Variants in PACRG observed in about 807,000 individuals in gnomAD.
PACRG encodes the protein parkin coregulated gene protein.
In PACRG, 29 loss-of-function variants were observed where a neutral mutation model predicts 29.7. The ratio of observed to expected loss-of-function variants is 0.98; its 90% CI spans 0.73 to 1.33. The LOEUF is 1.33. Ranked by LOEUF, PACRG falls within the 40% of genes most tolerant of loss-of-function variation. PACRG has a pLI of 0.00. For missense variants in PACRG, 279 were observed against 316.2 expected (o/e 0.88, Z 0.89); for synonymous variants, 116 against 118.7 (o/e 0.98, Z 0.15).
chr6:162,810,073 C>A (rs1429164739), intron 1 of PACRG, among the ~76,000 whole-genome samples: 1 of 152,068 alleles, frequency 6.6e-6, no homozygotes, highest in African/African-American at 2.4e-5. Flanking sequence ...TCAGTGTGGA[C>A]AATGGGGGAG....
chr6:163,161,462 T>A (rs1778553102), intron 4 of PACRG, among the ~76,000 whole-genome samples: 1 of 152,240 alleles, frequency 6.6e-6, no homozygotes, highest in Admixed American at 6.5e-5. Flanking sequence ...AAAGACTGGA[T>A]GCATTCCTTT....
At chr6:163,069,916 A>G (rs1327450984) in intron 3 of PACRG, among the ~76,000 whole-genome samples, 1 of 152,224 alleles carries the variant, frequency 6.6e-6, no homozygotes. Flanking sequence ...AAAAGCAGCA[A>G]GAGAAAATAA....
chr6:162,824,016 A>T (rs1788067245), intron 2 of PACRG, among the ~76,000 whole-genome samples: 2 of 152,140 alleles, frequency 1.3e-5, no homozygotes, highest in Admixed American at 6.5e-5. Flanking sequence ...GAGTACACAA[A>T]CACCTATAAT....
rs904749912 is a variant in PACRG at position 163,085,878 on chromosome 6, A to T, written c.464-3381A>T. Among the ~76,000 whole-genome samples the T allele has an allele frequency of 5.3e-5, 8 of 152,316 alleles. No individual in the cohort carries two copies. The South Asian group carries it at 1.4e-3, about 28-fold the overall frequency. ...ACAAACCCCAAGAGGTTGGTACCAT[A>T]CTTGCCTGATTCATTTCTGTCCTTC... is the stretch of plus-strand genomic sequence containing the variant. On this transcript the variant is annotated intron_variant, in intron 3 of 4. Transcript: ENST00000366888.
At chr6:162,866,767 A>G (rs1425747493) in intron 2 of PACRG, among the ~76,000 whole-genome samples, 3 of 152,244 alleles carry the variant, frequency 2.0e-5, no homozygotes, top group Non-Finnish European at 4.4e-5. Flanking sequence ...ATGGAGAAAG[A>G]GAATTCTATC....
At chr6:163,130,029 T>C (rs149741272) in intron 4 of PACRG, among the ~76,000 whole-genome samples, 351 of 152,332 alleles carry the variant, frequency 2.3e-3, no homozygotes, top group African/African-American at 7.9e-3. Flanking sequence ...ATGTGTCTCT[T>C]ATGGTTCCTG....
intron 4 of PACRG, among the ~76,000 whole-genome samples, chr6:163,298,347 A>G (rs982815799): frequency 6.6e-6 from 1 of 152,212 alleles, no homozygotes; most frequent in Non-Finnish European, 1.5e-5. Flanking sequence ...GCAACCTTAG[A>G]GTAGCATTTT....
chr6:163,302,811 T>A (rs74662460), intron 4 of PACRG, among the ~76,000 whole-genome samples: 5,127 of 152,224 alleles, frequency 0.034, 297 homozygotes, highest in African/African-American at 0.12. Context: ...GTTTATCCAT[T>A]TAATTATTTT....
chr6:162,795,462 G>T (rs924872415), intron 1 of PACRG, among the ~76,000 whole-genome samples: 2 of 152,082 alleles, frequency 1.3e-5, no homozygotes, highest in East Asian at 1.9e-4. Context: ...CTAACTTTGT[G>T]ATTTATTGAA....
At chr6:162,751,220 G>C (rs1322031263) in intron 1 of PACRG, among the ~76,000 whole-genome samples, 1 of 151,738 alleles carries the variant, frequency 6.6e-6, no homozygotes, top group Admixed American at 6.6e-5. Flanking sequence ...TGGTATTTCT[G>C]TTTTCTGTTA....
intron 4 of PACRG, among the ~76,000 whole-genome samples, chr6:163,268,196 T>C (rs926681412): frequency 1.3e-5 from 2 of 152,020 alleles, no homozygotes; most frequent in South Asian, 2.1e-4. Flanking sequence ...GTCAGGGGAT[T>C]GAGACCATCC....
At chr6:163,290,768 A>C (rs946855707) in intron 4 of PACRG, among the ~76,000 whole-genome samples, 3 of 152,226 alleles carry the variant, frequency 2.0e-5, no homozygotes, top group Admixed American at 6.5e-5. Context: ...ATGGGAGAGC[A>C]CTTAAGCTAG....
intron 2 of PACRG, among the ~76,000 whole-genome samples, chr6:162,975,281 C>G (rs572925721): frequency 1.8e-4 from 27 of 152,200 alleles, no homozygotes; most frequent in Non-Finnish European, 2.8e-4. Context: ...ATAGACAGTA[C>G]TAATTAAAAG....
chr6:163,257,889 T>A (rs1783177617), intron 4 of PACRG, among the ~76,000 whole-genome samples: 1 of 152,228 alleles, frequency 6.6e-6, no homozygotes, highest in Admixed American at 6.5e-5. Context: ...ACAAGGCTAT[T>A]AATTTTGGTA....
At chr6:163,098,418 C>T (rs759307537) in intron 4 of PACRG, among the ~76,000 whole-genome samples, 3 of 152,190 alleles carry the variant, frequency 2.0e-5, no homozygotes, top group Admixed American at 1.3e-4. Flanking sequence ...CCCCTGACTC[C>T]GCCCCCACTA....
intron 2 of PACRG, among the ~76,000 whole-genome samples, chr6:163,001,534 A>C (rs954993968): frequency 6.6e-6 from 1 of 152,170 alleles, no homozygotes; most frequent in African/African-American, 2.4e-5. Context: ...AGAAAGAGAA[A>C]ACCACAGGTC....
intron 2 of PACRG, among the ~76,000 whole-genome samples, chr6:162,891,126 G>A (rs769792897): frequency 6.6e-6 from 1 of 152,184 alleles, no homozygotes; most frequent in African/African-American, 2.4e-5. Flanking sequence ...AGCCCGGCAA[G>A]CCTTGCTTGT....
rs1162500402 is a variant in PACRG at position 163,269,857 on chromosome 6, G to GAA, written c.614-44969_614-44968insAA. On this transcript the variant is annotated intron_variant, in intron 4 of 4. Coordinates refer to ENST00000366888, the MANE Select transcript of PACRG (RefSeq NM_001080379.2). ...AAAGAAAAAGAAAGAAAGAAAGAAA[G>GAA]AGAAAGAAAGAGAAAGAAAGAAAGA... Among the ~76,000 whole-genome samples the GAA allele has an allele frequency of 2.7e-4, 15 of 56,542 alleles. 2 individuals carry two copies. The highest frequency in any genetic ancestry group is 5.4e-4 in the South Asian group (1 of 1,842). 37.1% of individuals were successfully genotyped at this position (56,542 alleles called of 152,430 possible).
intron 2 of PACRG, among the ~76,000 whole-genome samples, chr6:162,877,468 G>A (rs2128005980): frequency 6.6e-6 from 1 of 152,050 alleles, no homozygotes; most frequent in African/African-American, 2.4e-5. Context: ...ATAGCATTGG[G>A]AGAAATACCT....
Sources: allele counts gnomAD v4.1 joint callset (sites outside exome capture counted in the v4.1 genomes callset), GRCh38; gene constraint gnomAD v4.1.1; transcripts MANE v1.5; gene names NCBI Gene and HGNC (gene_info 2026-07-23, HGNC 2026-07-21).